UNC13C: variants seen among roughly 807,000 people sequenced by gnomAD.
UNC13C encodes protein unc-13 homolog C.
UNC13C carries 174 observed loss-of-function variants against 245.4 expected under a neutral mutation model. The ratio of observed to expected loss-of-function variants is 0.71; its 90% CI spans 0.63 to 0.80. UNC13C has a LOEUF of 0.80. Ranked by LOEUF, UNC13C falls within the 30% of genes least tolerant of loss-of-function variation. UNC13C has a pLI of 0.00. For missense variants in UNC13C, 2,829 were observed against 2,602.9 expected (o/e 1.09, Z -1.89); for synonymous variants, 992 against 895.1 (o/e 1.11, Z -1.93).
chr15:54,575,773 G>T (rs374947642), intron 30 of UNC13C, among the ~76,000 whole-genome samples: 4 of 152,196 alleles, frequency 2.6e-5, no homozygotes, highest in Non-Finnish European at 5.9e-5. Context: ...TATCCAGCAG[G>T]TCTATGTCAC....
At chr15:54,136,433 T>A (rs1025900703) in intron 2 of UNC13C, among the ~76,000 whole-genome samples, 3 of 152,224 alleles carry the variant, frequency 2.0e-5, no homozygotes, top group African/African-American at 7.2e-5. Flanking sequence ...TTTATCAGTT[T>A]TAAGTTTTTT....
chr15:54,216,522 T>C (rs1443856039), intron 4 of UNC13C, among the ~76,000 whole-genome samples: 4 of 151,904 alleles, frequency 2.6e-5, no homozygotes, highest in Admixed American at 6.6e-5. Flanking sequence ...TGACAGCCAG[T>C]GTGTTCCAGG....
At chr15:54,033,040 C>T (rs1896427008) in intron 2 of UNC13C, among the ~76,000 whole-genome samples, 1 of 152,056 alleles carries the variant, frequency 6.6e-6, no homozygotes, top group South Asian at 2.1e-4. Flanking sequence ...TCAGTGTATG[C>T]TGCTTGGGTG....
intron 4 of UNC13C, among the ~76,000 whole-genome samples, chr15:54,153,385 G>A (rs1240954983): frequency 1.3e-5 from 2 of 152,058 alleles, no homozygotes; most frequent in East Asian, 1.9e-4. Context: ...GCATTCTTTA[G>A]CATTACTTCC....
At chr15:54,470,606 G>T (rs1892409534) in intron 19 of UNC13C, among the ~76,000 whole-genome samples, 1 of 122,896 alleles carries the variant, frequency 8.1e-6, no homozygotes, top group Non-Finnish European at 1.8e-5. Flanking sequence ...TTTCATTTAT[G>T]ATTTTATTTA....
chr15:54,620,299 C>T (rs1448730136), intron 30 of UNC13C, among the ~76,000 whole-genome samples: 2 of 151,998 alleles, frequency 1.3e-5, no homozygotes, highest in East Asian at 3.9e-4. Context: ...AATGGAAGAC[C>T]GCCGACAAGC....
chr15:54,206,498 T>C (rs1015272869), intron 4 of UNC13C, among the ~76,000 whole-genome samples: 2 of 152,128 alleles, frequency 1.3e-5, no homozygotes, highest in African/African-American at 4.8e-5. Context: ...GACTTTTAAA[T>C]GGCTAATGGT....
chr15:54,392,966 G>T, intron 17 of UNC13C, 82 bp from the exon 18 acceptor site: 2 of 1,365,874 alleles, frequency 1.5e-6, no homozygotes, highest in South Asian at 4.1e-5. Flanking sequence ...ATTTTTCTTT[G>T]ATCTTCTATT....
At chr15:54,200,698 T>C (rs2034495588) in intron 4 of UNC13C, among the ~76,000 whole-genome samples, 1 of 151,972 alleles carries the variant, frequency 6.6e-6, no homozygotes, top group Admixed American at 6.6e-5. Flanking sequence ...GTTCATATCA[T>C]TAAATGCCAA....
At chr15:54,344,228 T>C (rs1213569903) in intron 17 of UNC13C, among the ~76,000 whole-genome samples, 3 of 152,226 alleles carry the variant, frequency 2.0e-5, no homozygotes, top group Non-Finnish European at 4.4e-5. Flanking sequence ...TGAAGTGGCA[T>C]ACCTTACTTG....
At chr15:54,056,237 A>G (rs920169187) in intron 2 of UNC13C, among the ~76,000 whole-genome samples, 2 of 152,188 alleles carry the variant, frequency 1.3e-5, no homozygotes, top group African/African-American at 4.8e-5. Context: ...ATGGATAACT[A>G]GAATAACCAA....
At chr15:54,478,506 T>C (rs1367678784) in intron 19 of UNC13C, among the ~76,000 whole-genome samples, 1 of 150,988 alleles carries the variant, frequency 6.6e-6, no homozygotes, top group Non-Finnish European at 1.5e-5. Context: ...TTCTGGTATG[T>C]TGTGTCTTTG....
the UNC13C span, among the ~76,000 whole-genome samples, chr15:53,893,744 G>C: frequency 1.3e-5 from 2 of 151,850 alleles, no homozygotes; most frequent in African/African-American, 4.9e-5. Flanking sequence ...CTGCTGCTGT[G>C]CTGGCAGCAA....
chr15:54,368,392 C>A (rs2039414775), intron 17 of UNC13C, among the ~76,000 whole-genome samples: 1 of 151,894 alleles, frequency 6.6e-6, no homozygotes, highest in Admixed American at 6.6e-5. Flanking sequence ...AATGTTATCT[C>A]CTCTATGAAG....
chr15:54,180,626 A>C (rs2141301643), intron 4 of UNC13C, among the ~76,000 whole-genome samples: 1 of 152,196 alleles, frequency 6.6e-6, no homozygotes, highest in South Asian at 2.1e-4. Flanking sequence ...TAAGTGTATA[A>C]GTGATCCCTT....
chr15:54,129,699 T>C (rs2031285487), intron 2 of UNC13C, among the ~76,000 whole-genome samples: 1 of 151,694 alleles, frequency 6.6e-6, no homozygotes, highest in South Asian at 2.1e-4. Flanking sequence ...TAAAGATGTA[T>C]ATATCATTCT....
chr15:54,370,437 G>C (rs1190796589), intron 17 of UNC13C, among the ~76,000 whole-genome samples: 1 of 152,088 alleles, frequency 6.6e-6, no homozygotes, highest in Non-Finnish European at 1.5e-5. Context: ...TTGTCATTAA[G>C]CCTAGGGAAA....
At chr15:54,386,170 C>G (rs1286697734) in intron 17 of UNC13C, among the ~76,000 whole-genome samples, 1 of 152,120 alleles carries the variant, frequency 6.6e-6, no homozygotes, top group Non-Finnish European at 1.5e-5. Flanking sequence ...ACCGAGGCTA[C>G]TAACTTGTGT....
intron 8 of UNC13C, among the ~76,000 whole-genome samples, chr15:54,255,577 C>T (rs1303609468): frequency 6.6e-6 from 1 of 152,230 alleles, no homozygotes; most frequent in Non-Finnish European, 1.5e-5. Context: ...GTGTGTTCCT[C>T]TGCTGATGTG....
Sources: gnomAD v4.1 joint callset for allele counts (sites outside exome capture counted in the v4.1 genomes callset) on GRCh38, gnomAD v4.1.1 for gene constraint, MANE v1.5 for transcripts, NCBI Gene and HGNC (gene_info 2026-07-23, HGNC 2026-07-21) for gene names.